Variants in GABBR2 observed in about 807,000 individuals in gnomAD.
The protein encoded by GABBR2 is gamma-aminobutyric acid type B receptor subunit 2, also known as G-protein coupled receptor 51.
Under a neutral mutation model 105.6 loss-of-function variants are expected in GABBR2, and 23 were observed. The ratio of observed to expected loss-of-function variants is 0.22; its 90% confidence interval spans 0.16 to 0.31. The LOEUF (loss-of-function observed/expected upper bound fraction) is 0.31. Among genes scored for constraint, GABBR2 ranks in the 10% least tolerant of loss-of-function variants. The pLI is 1.00. For missense variants in GABBR2, 734 were observed against 1,245.5 expected (o/e 0.59, Z 6.18); for synonymous variants, 478 against 499.7 (o/e 0.96, Z 0.58).
chr9:98,398,132 T>C (rs1365514696), intron 8 of GABBR2, among the ~76,000 whole-genome samples: 2 of 152,164 alleles, frequency 1.3e-5, no homozygotes, highest in African/African-American at 4.8e-5. Context: ...GTGTAATAAC[T>C]GCCAGGGGTA....
intron 1 of GABBR2, chr9:98,607,678 A>C (rs1829448118): frequency 1.3e-6 from 1 of 745,582 alleles, no homozygotes. Context: ...TACAATTCTA[A>C]GAAATATGTT....
chr9:98,611,230 C>T (rs1334317948), intron 1 of GABBR2, among the ~76,000 whole-genome samples: 2 of 152,190 alleles, frequency 1.3e-5, no homozygotes, highest in Admixed American at 1.3e-4. Flanking sequence ...CCCTGTAAGG[C>T]CCTCTGTGGC....
At chr9:98,496,272 G>A (rs1333774422) in intron 4 of GABBR2, 141 bp downstream of exon 4, 2 of 645,342 alleles carry the variant, frequency 3.1e-6, no homozygotes, top group African/African-American at 3.6e-5. Context: ...CAATTCCTGG[G>A]AGCTTCTCCT....
chr9:98,667,028 G>A (rs1830344861), intron 1 of GABBR2, among the ~76,000 whole-genome samples: 1 of 152,174 alleles, frequency 6.6e-6, no homozygotes, highest in Non-Finnish European at 1.5e-5. Flanking sequence ...AATAGACAGT[G>A]CAGCAGTCAT....
rs190235999 is a variant in GABBR2, at chr9:98,475,265, C to G, written c.799-1919G>C. On this transcript the variant is annotated intron_variant, in intron 5 of 18. Coordinates refer to ENST00000259455, the MANE Select transcript of GABBR2 (RefSeq NM_005458.8). Reference sequence around the variant, plus strand: ...ACAGAAAACTCTCGTATTTTAATTACCTAACAAAATCCCAGCTGAAGAAAA... The same window carrying G: ...ACAGAAAACTCTCGTATTTTAATTAGCTAACAAAATCCCAGCTGAAGAAAA... 2.6e-5 allele frequency among the ~76,000 whole-genome samples: 4 copies of G among 151,984 alleles called. No individual in the cohort carries two copies. The East Asian group carries it at 7.7e-4, about 29-fold the overall frequency.
chr9:98,523,981 A>G (rs1356225794), intron 3 of GABBR2, among the ~76,000 whole-genome samples: 1 of 135,966 alleles, frequency 7.4e-6, no homozygotes, highest in African/African-American at 2.7e-5. Flanking sequence ...GAAAAGTGGG[A>G]AAAACAAGAA....
In GABBR2 at chr9:98,538,829, C is replaced by T. The variant is rs143498407; in HGVS notation, c.630+3044G>A. 3.9e-5 allele frequency among the ~76,000 whole-genome samples: 6 copies of T among 152,338 alleles called. No individual in the cohort carries two copies. The East Asian group carries it at 1.2e-3, about 29-fold the overall frequency. ...AAAGCTGTTAGCCCCTGGCGAGTTT[C>T]CAGGGCCTGCACTCCAGCGATGCAG... is the stretch of plus-strand genomic sequence containing the variant. On this transcript the variant is annotated intron_variant, in intron 3 of 18. Coordinates refer to ENST00000259455, the MANE Select transcript of GABBR2 (RefSeq NM_005458.8).
chr9:98,643,213 C>A (rs1161141606), intron 1 of GABBR2, among the ~76,000 whole-genome samples: 1 of 152,252 alleles, frequency 6.6e-6, no homozygotes, highest in Non-Finnish European at 1.5e-5. Context: ...ACCCTGCCAG[C>A]CACTGCTGTG....
rs1827185674 is a variant in GABBR2 at position 98,492,089 on chromosome 9, G to A, written c.732+4324C>T. Among the ~76,000 whole-genome samples, 6 of 152,028 alleles carry A rather than the reference G, an allele frequency of 3.9e-5. No homozygotes were observed. The South Asian group carries it at 1.3e-3, about 32-fold the overall frequency. On this transcript the variant is annotated intron_variant, in intron 4 of 18. Transcript: ENST00000259455. ...GTGGCCTGGTTTTTGCATCTCTATGGGAAGTTTGTTTTTTTCCTGGCCTAG... is the reference window on the plus strand; with the variant it reads ...GTGGCCTGGTTTTTGCATCTCTATGAGAAGTTTGTTTTTTTCCTGGCCTAG...
chr9:98,555,748 C>T (rs1588226933), intron 2 of GABBR2: 1 of 152,468 alleles, frequency 6.6e-6, no homozygotes, highest in African/African-American at 2.4e-5. Context: ...GGTGCTGGGG[C>T]CCCAGCTCGA....
At chr9:98,498,590 T>C (rs1827333334) in intron 3 of GABBR2, among the ~76,000 whole-genome samples, 1 of 152,186 alleles carries the variant, frequency 6.6e-6, no homozygotes, top group African/African-American at 2.4e-5. Flanking sequence ...ATGGAGCAAA[T>C]GTGAACATGT....
In GABBR2 at chr9:98,550,880, C is replaced by T. The variant is rs530629985; in HGVS notation, c.460-8837G>A. 2.6e-5 allele frequency among the ~76,000 whole-genome samples: 4 copies of T among 152,126 alleles called. No individual in the cohort carries two copies. In the South Asian group the frequency reaches 6.2e-4, roughly 24 times the overall value. On this transcript the variant is annotated intron_variant, in intron 2 of 18. Coordinates refer to ENST00000259455, the MANE Select transcript of GABBR2 (RefSeq NM_005458.8). ...TGGATTTGTGGAGAGTCTGTTCACA[C>T]GGGGGATCCTTTGCAATCTTCCTGG... is the stretch of plus-strand genomic sequence containing the variant.
chr9:98,425,733 T>C (rs1825672001), intron 7 of GABBR2, among the ~76,000 whole-genome samples: 1 of 152,162 alleles, frequency 6.6e-6, no homozygotes, highest in African/African-American at 2.4e-5. Context: ...GCTATGACTT[T>C]GAGTGGCAGA....
At chr9:98,519,493 T>C (rs1175892754) in intron 3 of GABBR2, among the ~76,000 whole-genome samples, 1 of 152,252 alleles carries the variant, frequency 6.6e-6, no homozygotes. Context: ...TGAGTGCCTG[T>C]CATATGTGGA....
chr9:98,399,688 A>G (rs1157809023), intron 8 of GABBR2, among the ~76,000 whole-genome samples: 1 of 151,884 alleles, frequency 6.6e-6, no homozygotes, highest in Non-Finnish European at 1.5e-5. Context: ...ACCTTAGGAC[A>G]AAAACCAAAA....
At chr9:98,370,803 G>C (rs948948252) in intron 12 of GABBR2, among the ~76,000 whole-genome samples, 1 of 152,190 alleles carries the variant, frequency 6.6e-6, no homozygotes, top group Non-Finnish European at 1.5e-5. Context: ...CTATGACTAA[G>C]AGTCAAGGTC....
In GABBR2 at chr9:98,407,110, C is replaced by T. The variant is rs79670567; in HGVS notation, c.1237-969G>A. ...TTCACTGTGGCATGTTGCTCTTGAT[C>T]GAGAAATAAGTTTCTTCCTGTCTTT... is the stretch of plus-strand genomic sequence containing the variant. On this transcript the variant is annotated intron_variant, in intron 7 of 18. Coordinates refer to ENST00000259455, the MANE Select transcript of GABBR2 (RefSeq NM_005458.8). Among the ~76,000 whole-genome samples the T allele has an allele frequency of 9.4e-3, 1,430 of 152,242 alleles. 30 individuals are homozygous for T. The highest frequency in any genetic ancestry group is 0.033 in the African/African-American group (1,368 of 41,532).
intron 18 of GABBR2, 47 bp downstream of exon 18, chr9:98,293,738 T>G: frequency 9.8e-7 from 1 of 1,020,984 alleles, no homozygotes; most frequent in Non-Finnish European, 1.5e-6. Context: ...TGTGCAGGAG[T>G]GACGTATTTC....
At chr9:98,451,291 G>C (rs1406157947) in intron 7 of GABBR2, among the ~76,000 whole-genome samples, 5 of 152,114 alleles carry the variant, frequency 3.3e-5, no homozygotes, top group African/African-American at 1.2e-4. Context: ...TATATACCAG[G>C]CTCCATGTGA....
Sources: allele counts gnomAD v4.1 joint callset (sites outside exome capture counted in the v4.1 genomes callset), GRCh38; gene constraint gnomAD v4.1.1; transcripts MANE v1.5; gene names NCBI Gene and HGNC (gene_info 2026-07-23, HGNC 2026-07-21).